LDB2: variants seen among roughly 807,000 people sequenced by gnomAD.
The protein encoded by LDB2 is LIM domain-binding protein 2.
Under a neutral mutation model 44.3 loss-of-function variants are expected in LDB2, and 12 were observed. The observed-to-expected ratio is 0.27, with a 90% CI of 0.17 to 0.44. The LOEUF is 0.44. LDB2 is among the 20% of genes least tolerant of loss of function. The probability of loss-of-function intolerance (pLI) is 1.00; values close to 1 mark genes in which losing one functional copy is unlikely to be tolerated. For synonymous variants in LDB2, 164 were observed against 174.8 expected (o/e 0.94, Z 0.49); for missense variants, 344 against 473.5 (o/e 0.73, Z 2.54).
intron 2 of LDB2, among the ~76,000 whole-genome samples, chr4:16,600,859 T>C (rs1258152782): frequency 1.3e-5 from 2 of 152,150 alleles, no homozygotes; most frequent in Non-Finnish European, 2.9e-5. Flanking sequence ...TTTTTCCTTG[T>C]TTAGAAACAA....
intron 2 of LDB2, among the ~76,000 whole-genome samples, chr4:16,598,315 C>A (rs1221579309): frequency 6.6e-6 from 1 of 152,132 alleles, no homozygotes; most frequent in Non-Finnish European, 1.5e-5. Context: ...TCTAAGACTG[C>A]CATACCATGA....
Position 16,588,749 on chromosome 4 carries a change from T to C in LDB2, c.492A>G (p.Gln164=). The C allele has an allele frequency of 3.1e-6, 5 of 1,613,904 alleles. No individual in the cohort carries two copies. The South Asian group carries it at 5.5e-5, about 18-fold the overall frequency. Reference sequence around the variant, plus strand: ...TGCTTCTCGGGACTAACTCTCGGTATTGTCTAATGGTAAAGTGCCATGTTT... The same window carrying C: ...TGCTTCTCGGGACTAACTCTCGGTACTGTCTAATGGTAAAGTGCCATGTTT... ...RIKTWHFTIR[Q]YRELVPRSIL... The change falls in exon 4 of 8, where the codon CAA becomes CAG. Residue 164 remains glutamine (Q), a synonymous_variant. Coordinates refer to ENST00000304523, the MANE Select transcript of LDB2 (RefSeq NM_001290.5).
chr4:16,836,739 C>T (rs1580108972), intron 1 of LDB2, among the ~76,000 whole-genome samples: 1 of 152,090 alleles, frequency 6.6e-6, no homozygotes, highest in Non-Finnish European at 1.5e-5. Flanking sequence ...GAGTTTTACA[C>T]ACATGGAATT....
intron 2 of LDB2, among the ~76,000 whole-genome samples, chr4:16,709,771 G>A (rs1416959050): frequency 1.3e-5 from 2 of 152,096 alleles, no homozygotes; most frequent in African/African-American, 4.8e-5. Flanking sequence ...AAATATCAGA[G>A]GATCTTGAAA....
intron 1 of LDB2, among the ~76,000 whole-genome samples, chr4:16,776,163 A>G (rs1385649611): frequency 2.0e-5 from 3 of 152,154 alleles, no homozygotes; most frequent in African/African-American, 7.2e-5. Flanking sequence ...GGTGACCTTA[A>G]GTAAGTCCAA....
At chr4:16,818,400 G>A (rs150298647) in intron 1 of LDB2, among the ~76,000 whole-genome samples, 1 of 152,158 alleles carries the variant, frequency 6.6e-6, no homozygotes, top group East Asian at 1.9e-4. Context: ...ATTCTCAATG[G>A]GAGAACTGTC....
intron 5 of LDB2, among the ~76,000 whole-genome samples, chr4:16,546,873 C>T (rs942696796): frequency 1.3e-5 from 2 of 152,152 alleles, no homozygotes; most frequent in Non-Finnish European, 2.9e-5. Flanking sequence ...CTTTAGCTGT[C>T]TCTCCCCCAG....
chr4:16,586,655 C>A (rs1382302452), intron 4 of LDB2, among the ~76,000 whole-genome samples: 1 of 152,068 alleles, frequency 6.6e-6, no homozygotes, highest in African/African-American at 2.4e-5. Flanking sequence ...GAGTAAGTAT[C>A]ACATTTTCCA....
chr4:16,594,086 T>C (rs1553917863), intron 3 of LDB2, among the ~76,000 whole-genome samples: 2 of 137,084 alleles, frequency 1.5e-5, no homozygotes, highest in Non-Finnish European at 1.6e-5. Flanking sequence ...TTAATTATCA[T>C]GGATTTTTTT....
At chr4:16,565,912 A>G (rs916657375) in intron 5 of LDB2, among the ~76,000 whole-genome samples, 1 of 152,200 alleles carries the variant, frequency 6.6e-6, no homozygotes, top group South Asian at 2.1e-4. Flanking sequence ...AATGGAAAAT[A>G]TGTACATATA....
chr4:16,831,741 A>G (rs141426753), intron 1 of LDB2, among the ~76,000 whole-genome samples: 1 of 152,336 alleles, frequency 6.6e-6, no homozygotes, highest in Non-Finnish European at 1.5e-5. Context: ...AATTGAGCAC[A>G]TGACTGTCCA....
intron 2 of LDB2, among the ~76,000 whole-genome samples, chr4:16,644,492 A>G (rs918840578): frequency 2.7e-5 from 4 of 145,826 alleles, no homozygotes; most frequent in Non-Finnish European, 5.9e-5. Context: ...CAGTGGCATG[A>G]TCTTGGCTCA....
At chr4:16,850,149 AGGAGAAAGTC>A (rs1787890629) in intron 1 of LDB2, among the ~76,000 whole-genome samples, 1 of 152,130 alleles carries the variant, frequency 6.6e-6, no homozygotes, top group Non-Finnish European at 1.5e-5. Context: ...CTCTTGTGTA[AGGAGAAAGTC>A]GGCGGCGCTT....
At chr4:16,679,260 A>G (rs1747174542) in intron 2 of LDB2, among the ~76,000 whole-genome samples, 1 of 152,140 alleles carries the variant, frequency 6.6e-6, no homozygotes, top group South Asian at 2.1e-4. Context: ...ATGTCAGTGT[A>G]TAAAGAAAGG....
chr4:16,687,544 A>G (rs2152574938), intron 2 of LDB2, among the ~76,000 whole-genome samples: 1 of 152,330 alleles, frequency 6.6e-6, no homozygotes, highest in East Asian at 1.9e-4. Flanking sequence ...TAAGGATCAT[A>G]TTTTTAATGA....
At position 16,603,276 on chromosome 4, in the gene LDB2, T is replaced by C. The variant is rs541643477; in HGVS notation, c.236-7401A>G. Among the ~76,000 whole-genome samples, 10 of 152,340 alleles carry C rather than the reference T, an allele frequency of 6.6e-5. No homozygotes were observed. The South Asian group carries it at 1.9e-3, about 28-fold the overall frequency. On this transcript the variant is annotated intron_variant, in intron 2 of 7. Coordinates refer to ENST00000304523, the MANE Select transcript of LDB2 (RefSeq NM_001290.5). Reference sequence around the variant, plus strand: ...TTTAATGACTTCCATAATAAGTCCATGCTGTGTTACTAATGGCTTGTAAAG... The same window carrying C: ...TTTAATGACTTCCATAATAAGTCCACGCTGTGTTACTAATGGCTTGTAAAG...
At chr4:16,539,388 A>C (rs1326993528) in intron 5 of LDB2, among the ~76,000 whole-genome samples, 2 of 152,174 alleles carry the variant, frequency 1.3e-5, no homozygotes, top group Non-Finnish European at 2.9e-5. Flanking sequence ...TTCAAGGAAA[A>C]AGGAGAGACA....
intron 1 of LDB2, among the ~76,000 whole-genome samples, chr4:16,782,956 A>T (rs1400182783): frequency 1.3e-5 from 2 of 152,206 alleles, no homozygotes; most frequent in Non-Finnish European, 2.9e-5. Context: ...AATAATACTT[A>T]GAGTAACTGG....
chr4:16,634,592 A>T (rs1351998313), intron 2 of LDB2, among the ~76,000 whole-genome samples: 1 of 152,238 alleles, frequency 6.6e-6, no homozygotes, highest in Non-Finnish European at 1.5e-5. Flanking sequence ...AACCACCATG[A>T]GATACCATCT....
Sources: allele counts gnomAD v4.1 joint callset (sites outside exome capture counted in the v4.1 genomes callset), GRCh38; gene constraint gnomAD v4.1.1; transcripts MANE v1.5; gene names NCBI Gene and HGNC (gene_info 2026-07-23, HGNC 2026-07-21).